The following PCDHA8 variants were observed in gnomAD, a reference collection of about 807,000 sequenced individuals.
The protein encoded by PCDHA8 is protocadherin alpha-8.
PCDHA8 carries 53 observed loss-of-function variants against 61.8 expected under a neutral mutation model. That is an observed-to-expected ratio of 0.86 (90% CI 0.69 to 1.08). The LOEUF (loss-of-function observed/expected upper bound fraction) is 1.08. Among genes scored for constraint, PCDHA8 ranks in the 50% least tolerant of loss-of-function variants. The pLI is 0.00. For synonymous variants in PCDHA8, 618 were observed against 556.6 expected (o/e 1.11, Z -1.55); for missense variants, 1,293 against 1,245.0 (o/e 1.04, Z -0.58).
At chr5:140,911,258 T>C (rs265316) in intron 1 of PCDHA8, among the ~76,000 whole-genome samples, 87,913 of 151,980 alleles carry the variant, frequency 0.58, 26,381 homozygotes, top group African/African-American at 0.75. Flanking sequence ...TCAGAATTTA[T>C]AATCTCAGTG....
intron 1 of PCDHA8, among the ~76,000 whole-genome samples, chr5:140,898,811 C>T (rs1277456601): frequency 6.6e-6 from 1 of 152,190 alleles, no homozygotes; most frequent in Non-Finnish European, 1.5e-5. Context: ...ACTGATTCTT[C>T]CTACCCATGA....
Position 141,010,446 on chromosome 5 carries a change from C to A in PCDHA8, c.*509C>A. On this transcript the variant is annotated 3_prime_UTR_variant, in exon 4 of 4. Coordinates refer to ENST00000531613, the MANE Select transcript of PCDHA8 (RefSeq NM_018911.3). ...AGGCAAGAAAACAAAGACAAATAAA[C>A]AGCGGAAGTTATCAGTATGGAGGGG... 1 of 944,706 alleles carries A rather than the reference C, an allele frequency of 1.1e-6. No homozygotes were observed. The highest frequency in any genetic ancestry group is 1.7e-5 in the African/African-American group (1 of 60,424). The allele number at this position is 944,706 out of a possible 1,614,324, so 58.5% of individuals were successfully genotyped here.
intron 1 of PCDHA8, chr5:140,859,894 C>T (rs930000447): frequency 6.6e-6 from 1 of 151,852 alleles, no homozygotes; most frequent in Non-Finnish European, 1.5e-5. Context: ...GAAAAAAAAT[C>T]TTCCTTAATG....
intron 1 of PCDHA8, among the ~76,000 whole-genome samples, chr5:140,902,333 T>C (rs1248113110): frequency 6.6e-6 from 1 of 151,758 alleles, no homozygotes; most frequent in Non-Finnish European, 1.5e-5. Context: ...TCACTTCGCC[T>C]GGCCTAGGAA....
intron 1 of PCDHA8, among the ~76,000 whole-genome samples, chr5:140,911,000 C>T (rs139648608): frequency 1.9e-3 from 291 of 152,218 alleles, no homozygotes; most frequent in African/African-American, 6.7e-3. Context: ...ACCCCTAGGG[C>T]CCTCCTGGGA....
At chr5:140,849,664 C>A (rs2150444192) in intron 1 of PCDHA8, 1 of 1,598,668 alleles carries the variant, frequency 6.3e-7, no homozygotes, top group African/African-American at 1.3e-5. Context: ...TGCTCCCTGA[C>A]GCCCCACGTC....
At chr5:140,942,406 G>GT (rs1554214961) in intron 1 of PCDHA8, among the ~76,000 whole-genome samples, 2 of 149,658 alleles carry the variant, frequency 1.3e-5, no homozygotes, top group South Asian at 2.1e-4. Flanking sequence ...ATGAGACTCT[G>GT]TTTAAAAAAA....
Position 140,857,105 on chromosome 5 carries a change from T to G in PCDHA8, c.2394+13390T>G. On this transcript the variant is annotated intron_variant, in intron 1 of 3. Transcript: ENST00000531613. The stretch of plus-strand genomic sequence containing the variant: ...TAATTCACCTGAGGTGATTGTCACT[T>G]CTCTGTCTCTCCCAGTGAAAGAAGA... The G allele has an allele frequency of 1.9e-6, 3 of 1,597,820 alleles. 1 individual carries two copies. Among genetic ancestry groups the G allele is most frequent in the Non-Finnish European group, 2.6e-6 (3 of 1,167,424 alleles).
chr5:140,843,527 A>C lies in PCDHA8; in HGVS notation c.2206A>C (p.Lys736Gln), dbSNP rs2150362053. Residue 736 changes from lysine to glutamine, a missense_variant, in exon 1 of 4, where the codon AAG becomes CAG. By Grantham distance (53) the Lys-to-Gln change is moderately conservative. Coordinates refer to ENST00000531613, the MANE Select transcript of PCDHA8 (RefSeq NM_018911.3). ...LPTEGGCRAG[K>Q]PTLVCSSAVG... is the part of the protein sequence containing the mutation. ...CACTGAGGGCGGGTGCCGGGCGGGC[A>C]AGCCCACTCTGGTGTGCTCCAGTGC... 1.3e-6 allele frequency: 2 copies of C among 1,595,944 alleles called. No individual in the cohort carries two copies. Among genetic ancestry groups the C allele is most frequent in the Non-Finnish European group, 1.7e-6 (2 of 1,165,540 alleles).
intron 3 of PCDHA8, among the ~76,000 whole-genome samples, chr5:141,002,751 C>T (rs1204940300): frequency 3.9e-5 from 6 of 152,152 alleles, no homozygotes; most frequent in African/African-American, 1.4e-4. Context: ...CATCGACAAC[C>T]CTGTGATGTA....
chr5:140,877,544 C>T (rs782624202), intron 1 of PCDHA8: 2 of 1,613,794 alleles, frequency 1.2e-6, no homozygotes, highest in Non-Finnish European at 1.7e-6. Context: ...GATCCCGAAG[C>T]GGCTCTGGTG....
At position 141,010,952 on chromosome 5, in the gene PCDHA8, T is replaced by C. The variant is rs1217882818; in HGVS notation, c.*1015T>C. On this transcript the variant is annotated 3_prime_UTR_variant, in exon 4 of 4. Coordinates refer to ENST00000531613, the MANE Select transcript of PCDHA8 (RefSeq NM_018911.3). ...AGTCTACAGCCATTTAAATGATCAT[T>C]GCTGCTACAGAAGTGCTTTAAGAGA... 1 of 153,792 alleles carries C rather than the reference T, an allele frequency of 6.5e-6. No individual in the cohort carries two copies. Among genetic ancestry groups the C allele is most frequent in the East Asian group, 1.9e-4 (1 of 5,194 alleles). The allele number at this position is 153,792 out of a possible 1,614,324, so 9.5% of individuals were successfully genotyped here. A position where few individuals can be genotyped will look rare whatever the true frequency, so the allele number is the denominator to read the frequency against.
chr5:140,926,199 G>C (rs541337659), intron 1 of PCDHA8, among the ~76,000 whole-genome samples: 1 of 151,790 alleles, frequency 6.6e-6, no homozygotes, highest in African/African-American at 2.4e-5. Context: ...CACTTCTTTC[G>C]GGGGGCTCCT....
rs782395968 is a variant in PCDHA8, at chr5:141,011,916, A to G, written c.*1979A>G. ...TATTATCTATTTAGGCATTAATATA[A>G]AAGAGGTAGGAGTCTGTTATTTAAA... On this transcript the variant is annotated 3_prime_UTR_variant, in exon 4 of 4. Coordinates refer to ENST00000531613, the MANE Select transcript of PCDHA8 (RefSeq NM_018911.3). 4 of 153,828 alleles carry G rather than the reference A, an allele frequency of 2.6e-5. No individual in the cohort carries two copies. The highest frequency in any genetic ancestry group is 4.4e-5 in the Non-Finnish European group (3 of 68,030). 9.5% of individuals were successfully genotyped at this position (153,828 alleles called of 1,614,324 possible). A position where few individuals can be genotyped will look rare whatever the true frequency, so the allele number is the denominator to read the frequency against.
intron 1 of PCDHA8, chr5:140,929,402 A>G: frequency 7.3e-6 from 11 of 1,507,926 alleles, no homozygotes; most frequent in Non-Finnish European, 9.7e-6. Context: ...TTTCTTAGAC[A>G]AGCCTTTCAC....
intron 1 of PCDHA8, chr5:140,853,989 C>A: frequency 4.0e-6 from 2 of 494,684 alleles, no homozygotes; most frequent in Non-Finnish European, 5.4e-6. Context: ...TGTAGTGAGA[C>A]TCATCTCTGC....
chr5:140,914,982 T>C (rs1411265179), intron 1 of PCDHA8, among the ~76,000 whole-genome samples: 1 of 149,996 alleles, frequency 6.7e-6, no homozygotes, highest in Non-Finnish European at 1.5e-5. Context: ...AGTCTTGCTC[T>C]GCTACCAGGC....
At chr5:140,867,777 A>C (rs1477276984) in intron 1 of PCDHA8, 1 of 152,128 alleles carries the variant, frequency 6.6e-6, no homozygotes, top group Non-Finnish European at 1.5e-5. Context: ...CTCATAAGCA[A>C]TTCCTGTATT....
intron 1 of PCDHA8, among the ~76,000 whole-genome samples, chr5:140,971,092 G>A (rs1263264725): frequency 2.0e-5 from 3 of 152,168 alleles, no homozygotes; most frequent in Non-Finnish European, 4.4e-5. Flanking sequence ...ACAAATTCTT[G>A]TGAAGCCCTT....
Sources: allele counts gnomAD v4.1 joint callset (sites outside exome capture counted in the v4.1 genomes callset), GRCh38; gene constraint gnomAD v4.1.1; transcripts MANE v1.5; gene names NCBI Gene and HGNC (gene_info 2026-07-23, HGNC 2026-07-21).